Variants in LPAR4 observed in about 807,000 individuals in gnomAD.
LPAR4 encodes the protein lysophosphatidic acid receptor 4.
Under a neutral mutation model 9.2 loss-of-function variants are expected in LPAR4, and 14 were observed. The observed-to-expected ratio is 1.51, with a 90% CI of 1.00 to 2.37. The LOEUF is 2.37. LPAR4 is among the 30% of genes most tolerant of loss of function. The pLI is 0.00. For missense variants in LPAR4, 251 were observed against 272.1 expected (o/e 0.92, Z 0.55); for synonymous variants, 131 against 97.9 (o/e 1.34, Z -1.99).
At position 78,753,329 on chromosome X, in the gene LPAR4, G is replaced by A. The variant is rs190035244; in HGVS notation, c.-79-1462G>A. On this transcript the variant is annotated intron_variant, in intron 4 of 4. Coordinates refer to ENST00000614823, the MANE Select transcript of LPAR4 (RefSeq NM_001278000.3). Reference sequence around the variant, plus strand: ...GTTTCTTTTAGTCAAAAGAAAGGAAGCCAGTAAGAAAAGAGGCTAATATTG... The same window carrying A: ...GTTTCTTTTAGTCAAAAGAAAGGAAACCAGTAAGAAAAGAGGCTAATATTG... 2.5e-4 allele frequency among the ~76,000 whole-genome samples: 28 copies of A among 112,070 alleles called. No homozygotes were observed. The East Asian group carries it at 7.1e-3, about 28-fold the overall frequency.
rs1925283295 is a variant in LPAR4 at position 78,756,162 on chromosome X, C to A, written c.*180C>A. The A allele has an allele frequency of 1.2e-5, 5 of 423,833 alleles. No homozygotes were observed. In the South Asian group the frequency reaches 2.3e-4, roughly 20 times the overall value. The allele number at this position is 423,833 out of a possible 1,213,427, so 34.9% of individuals were successfully genotyped here. ...TTTGTTCAGTAATTATAGGTCAAAT[C>A]TAATTACAACAACCAAGATGGATTG... On this transcript the variant is annotated 3_prime_UTR_variant, in exon 5 of 5. Transcript: ENST00000614823.
chrX:78,748,074 G>C (rs891342507), intron 1 of LPAR4, 40 bp downstream of exon 1: 1 of 110,675 alleles, frequency 9.0e-6, no homozygotes, highest in Non-Finnish European at 1.9e-5. Context: ...TTGGCGTTTG[G>C]GGGTGGGGGA....
In LPAR4 at chrX:78,757,872, T is replaced by A. The variant is rs1002871499; in HGVS notation, c.*1890T>A. 8.9e-6 allele frequency among the ~76,000 whole-genome samples: 1 copy of A among 112,117 alleles called. No homozygotes were observed. Among genetic ancestry groups the A allele is most frequent in the Non-Finnish European group, 1.9e-5 (1 of 53,091 alleles). On this transcript the variant is annotated 3_prime_UTR_variant, in exon 5 of 5. Transcript: ENST00000614823. ...TGTATCCTGCAAGTTGCTGAACTTGTGCCAGAAAGTGGTTAAACAATTATA... is the reference window on the plus strand; with the variant it reads ...TGTATCCTGCAAGTTGCTGAACTTGAGCCAGAAAGTGGTTAAACAATTATA...
Position 78,758,100 on chromosome X carries a change from T to A in LPAR4, c.*2118T>A, listed in dbSNP as rs1297145716. The stretch of plus-strand genomic sequence containing the variant: ...ACAAAGTGAAAAAATGCTAAAACAA[T>A]AGTAAAAACAAATTCTTAAAACTGG... On this transcript the variant is annotated 3_prime_UTR_variant, in exon 5 of 5. Transcript: ENST00000614823. 8.9e-6 allele frequency among the ~76,000 whole-genome samples: 1 copy of A among 111,754 alleles called. No individual in the cohort carries two copies. The highest frequency in any genetic ancestry group is 1.9e-5 in the Non-Finnish European group (1 of 52,989).
At chrX:78,753,234 G>A (rs754516628) in intron 4 of LPAR4, among the ~76,000 whole-genome samples, 128 of 112,161 alleles carry the variant, frequency 1.1e-3, no homozygotes, top group African/African-American at 3.9e-3. Flanking sequence ...AAGCTCAAGT[G>A]TTGGTCCTTT....
Position 78,755,814 on chromosome X carries a change from T to G in LPAR4, c.945T>G (p.Leu315=). 8.3e-7 allele frequency: 1 copy of G among 1,210,415 alleles called. No individual in the cohort carries two copies. Among genetic ancestry groups the G allele is most frequent in the Non-Finnish European group, 1.1e-6 (1 of 894,452 alleles). Residue 315 remains leucine (L), a synonymous_variant, in exon 5 of 5, where the codon CTT becomes CTG. Coordinates refer to ENST00000614823, the MANE Select transcript of LPAR4 (RefSeq NM_001278000.3). ...CFDPFIYYFT[L]ESFQKSFYIN... is the part of the protein sequence containing the mutation. The stretch of plus-strand genomic sequence containing the variant: ...ACCCTTTCATCTATTACTTCACCCT[T>G]GAATCCTTTCAGAAGTCCTTCTACA...
chrX:78,755,099 T>C lies in LPAR4; in HGVS notation c.230T>C (p.Phe77Ser). Residue 77 changes from phenylalanine (F) to serine (S), a missense_variant, in exon 5 of 5, where the codon TTT becomes TCT. Physicochemically the swap from Phe to Ser is radical, Grantham distance 155. Coordinates refer to ENST00000614823, the MANE Select transcript of LPAR4 (RefSeq NM_001278000.3). ...RMKMRSETAI[F>S]ITNLAVSDLL... Reference sequence around the variant, plus strand: ...AAAATGAGAAGTGAGACTGCTATTTTTATCACCAATCTAGCTGTCTCTGAT... The same window carrying C: ...AAAATGAGAAGTGAGACTGCTATTTCTATCACCAATCTAGCTGTCTCTGAT... The C allele has an allele frequency of 5.0e-6, 6 of 1,210,744 alleles. No homozygotes were observed. The highest frequency in any genetic ancestry group is 6.7e-6 in the Non-Finnish European group (6 of 894,697).
chrX:78,749,434 C>G (rs1483227902), intron 1 of LPAR4, among the ~76,000 whole-genome samples: 2 of 111,564 alleles, frequency 1.8e-5, no homozygotes, highest in East Asian at 5.6e-4. Context: ...AATCAGTTAT[C>G]AGAACAATGT....
chrX:78,751,613 T>G (rs1925066875), intron 4 of LPAR4, among the ~76,000 whole-genome samples: 1 of 111,065 alleles, frequency 9.0e-6, no homozygotes, highest in Admixed American at 9.6e-5. Flanking sequence ...TCTAAGTATA[T>G]CACATGAATT....
intron 1 of LPAR4, among the ~76,000 whole-genome samples, chrX:78,749,676 C>T (rs1924971714): frequency 9.0e-6 from 1 of 111,548 alleles, no homozygotes. Flanking sequence ...TGATTCTTAG[C>T]TTCCGGTATT....
In LPAR4 at chrX:78,756,082, C is replaced by A; in HGVS notation, c.*100C>A. On this transcript the variant is annotated 3_prime_UTR_variant, in exon 5 of 5. Transcript: ENST00000614823. ...GCTAATGATACTGAGAATAATGCAC[C>A]AAATCCAGTCAGATACATTTGTTTG... 1.5e-6 allele frequency: 1 copy of A among 651,461 alleles called. No homozygotes were observed. The highest frequency in any genetic ancestry group is 2.4e-6 in the Non-Finnish European group (1 of 423,769). 53.7% of individuals were successfully genotyped at this position (651,461 alleles called of 1,213,427 possible). A position where few individuals can be genotyped will look rare whatever the true frequency, so the allele number is the denominator to read the frequency against.
At chrX:78,749,327 A>C (rs1408688172) in intron 1 of LPAR4, 1 of 111,575 alleles carries the variant, frequency 9.0e-6, no homozygotes, top group African/African-American at 3.3e-5. Context: ...GAAGAACAAA[A>C]CCTGTAATGT....
In LPAR4 at chrX:78,758,568, T is replaced by C. The variant is rs1021672999; in HGVS notation, c.*2586T>C. 2.8e-4 allele frequency among the ~76,000 whole-genome samples: 31 copies of C among 111,812 alleles called. No individual in the cohort carries two copies. Among genetic ancestry groups the C allele is most frequent in the Non-Finnish European group, 5.7e-4 (30 of 53,017 alleles). ...TATAAATTGCTAATAATAAAACTTG[T>C]CACATTAACAATGTAACCAAGAAAA... On this transcript the variant is annotated 3_prime_UTR_variant, in exon 5 of 5. Coordinates refer to ENST00000614823, the MANE Select transcript of LPAR4 (RefSeq NM_001278000.3).
rs747649161 is a variant in LPAR4, at chrX:78,757,078, A to T, written c.*1096A>T. On this transcript the variant is annotated 3_prime_UTR_variant, in exon 5 of 5. Coordinates refer to ENST00000614823, the MANE Select transcript of LPAR4 (RefSeq NM_001278000.3). ...ATTTGTGCCCCTGGATTGGAAGCAA[A>T]TAAAAAAAAAAAACAACACATAAAC... The T allele has an allele frequency of 1.7e-5, 2 of 120,202 alleles. No homozygotes were observed. The highest frequency in any genetic ancestry group is 3.8e-5 in the Non-Finnish European group (2 of 52,376). 9.9% of individuals were successfully genotyped at this position (120,202 alleles called of 1,213,427 possible).
chrX:78,755,457 C>T lies in LPAR4; in HGVS notation c.588C>T (p.Val196=). 1 of 1,209,372 alleles carries T rather than the reference C, an allele frequency of 8.3e-7. No homozygotes were observed. Among genetic ancestry groups the T allele is most frequent in the Non-Finnish European group, 1.1e-6 (1 of 893,766 alleles). Residue 196 remains valine (V), a synonymous_variant, in exon 5 of 5, where the codon GTC becomes GTT. Transcript: ENST00000614823. ...TTCFEGFSKR[V]WKTYLSKITI... ...GCTTTGAAGGCTTCTCCAAACGTGTCTGGAAGACTTATTTATCCAAGATCA... is the reference window on the plus strand; with the variant it reads ...GCTTTGAAGGCTTCTCCAAACGTGTTTGGAAGACTTATTTATCCAAGATCA...
rs1316076305 is a variant in LPAR4, at chrX:78,756,162, CTAAT to C, written c.*183_*186del. 1 of 423,881 alleles carries C rather than the reference CTAAT, an allele frequency of 2.4e-6. No individual in the cohort carries two copies. The highest frequency in any genetic ancestry group is 3.9e-5 in the East Asian group (1 of 25,373). The allele number at this position is 423,881 out of a possible 1,213,427, so 34.9% of individuals were successfully genotyped here. On this transcript the variant is annotated 3_prime_UTR_variant, in exon 5 of 5. Transcript: ENST00000614823. ...TTTGTTCAGTAATTATAGGTCAAAT[CTAAT>C]TACAACAACCAAGATGGATTGCCAA... is the stretch of plus-strand genomic sequence containing the variant.
chrX:78,750,054 T>C (rs1048069522), intron 1 of LPAR4, 120 bp from the exon 2 acceptor site: 2 of 112,021 alleles, frequency 1.8e-5, no homozygotes, highest in Admixed American at 1.9e-4. Context: ...GCTTGGATTT[T>C]GAATAAAAGG....
rs1280572654 is a variant in LPAR4 at position 78,756,598 on chromosome X, T to A, written c.*616T>A. On this transcript the variant is annotated 3_prime_UTR_variant, in exon 5 of 5. Transcript: ENST00000614823. ...TTTACACAATTATAATCACCAGCAG[T>A]GTGAGTTTAAAAAACTTCGTTGTTT... is the stretch of plus-strand genomic sequence containing the variant. 8.1e-6 allele frequency: 1 copy of A among 122,881 alleles called. No homozygotes were observed. The highest frequency in any genetic ancestry group is 3.3e-5 in the African/African-American group (1 of 30,736). 10.1% of individuals were successfully genotyped at this position (122,881 alleles called of 1,213,427 possible).
rs772715576 is a variant in LPAR4, at chrX:78,757,817, A to C, written c.*1835A>C. On this transcript the variant is annotated 3_prime_UTR_variant, in exon 5 of 5. Transcript: ENST00000614823. Reference sequence around the variant, plus strand: ...ATAACATGGCAATTTAAAAATGCTAAGAATTTTAAAACAAAACTTCCAGGA... The same window carrying C: ...ATAACATGGCAATTTAAAAATGCTACGAATTTTAAAACAAAACTTCCAGGA... Among the ~76,000 whole-genome samples the C allele has an allele frequency of 2.7e-5, 3 of 112,413 alleles. No individual in the cohort carries two copies. In the South Asian group the frequency reaches 1.1e-3, roughly 40 times the overall value.
Sources: allele counts gnomAD v4.1 joint callset (sites outside exome capture counted in the v4.1 genomes callset), GRCh38; gene constraint gnomAD v4.1.1; transcripts MANE v1.5; gene names NCBI Gene and HGNC (gene_info 2026-07-23, HGNC 2026-07-21).